The following MYO1D variants were observed in gnomAD, a reference collection of about 807,000 sequenced individuals.
The protein encoded by MYO1D is unconventional myosin-Id.
A neutral mutation model predicts 122.0 loss-of-function variants in MYO1D; 83 were observed. That is an observed-to-expected ratio of 0.68 (90% CI 0.57 to 0.82). The LOEUF (loss-of-function observed/expected upper bound fraction) is 0.82. Ranked by LOEUF, MYO1D falls within the 40% of genes least tolerant of loss-of-function variation. The pLI is 0.00. For missense variants in MYO1D, 1,157 were observed against 1,269.5 expected (o/e 0.91, Z 1.35); for synonymous variants, 464 against 446.9 (o/e 1.04, Z -0.48).
rs2088143856 is a variant in MYO1D, at chr17:32,638,714, G to A, written c.2709+8C>T. On this transcript the variant is annotated splice_region_variant and intron_variant, in intron 20 of 21. Transcript: ENST00000318217. ...ATCTTTATCCAGAGAGAAGCACAGAGGACTTACATTGTATAGAGGGATAGT... is the reference window on the plus strand; with the variant it reads ...ATCTTTATCCAGAGAGAAGCACAGAAGACTTACATTGTATAGAGGGATAGT... 4 of 1,573,762 alleles carry A rather than the reference G, an allele frequency of 2.5e-6. 1 individual carries two copies. The South Asian group carries it at 3.3e-5, about 13-fold the overall frequency.
chr17:32,618,171 T>G (rs1055989395), intron 20 of MYO1D, among the ~76,000 whole-genome samples: 1 of 152,240 alleles, frequency 6.6e-6, no homozygotes, highest in Non-Finnish European at 1.5e-5. Context: ...ACATGAGCTT[T>G]GAGCAGTAAT....
intron 15 of MYO1D, among the ~76,000 whole-genome samples, chr17:32,713,043 G>A (rs1224640945): frequency 6.6e-6 from 1 of 152,178 alleles, no homozygotes; most frequent in Non-Finnish European, 1.5e-5. Context: ...ATCATGCAAA[G>A]TTGTTTAACA....
intron 1 of MYO1D, among the ~76,000 whole-genome samples, chr17:32,860,048 TG>T (rs10714403): frequency 0.014 from 2,099 of 152,246 alleles, 44 homozygotes; most frequent in African/African-American, 0.046. Context: ...GGAAGTCTTC[TG>T]GGGGGCTTCC....
rs532828167 is a variant in MYO1D, at chr17:32,876,959, G to C, written c.-87C>G. ...CGATGAGCTCGGGAGGGGCCGGGGCGAGGCCGCGCCGCGAGGCTACGGGGA... is the reference window on the plus strand; with the variant it reads ...CGATGAGCTCGGGAGGGGCCGGGGCCAGGCCGCGCCGCGAGGCTACGGGGA... On this transcript the variant is annotated 5_prime_UTR_variant, in exon 1 of 22. Coordinates refer to ENST00000318217, the MANE Select transcript of MYO1D (RefSeq NM_015194.3). The C allele has an allele frequency of 6.6e-5, 50 of 758,062 alleles. No homozygotes were observed. In the South Asian group the frequency reaches 1.8e-3, roughly 27 times the overall value. 47.0% of individuals were successfully genotyped at this position (758,062 alleles called of 1,614,324 possible). A position where few individuals can be genotyped will look rare whatever the true frequency, so the allele number is the denominator to read the frequency against.
intron 2 of MYO1D, among the ~76,000 whole-genome samples, chr17:32,780,212 T>C (rs1244069122): frequency 1.3e-5 from 2 of 152,224 alleles, no homozygotes; most frequent in Non-Finnish European, 2.9e-5. Context: ...GAGTTGATTC[T>C]TCCTTTTCAC....
chr17:32,632,586 TACACACACACACACAC>T (rs71144846), intron 20 of MYO1D: 40 of 96,602 alleles, frequency 4.1e-4, no homozygotes, highest in African/African-American at 1.8e-3. Flanking sequence ...TATATATATA[TACACACACACACACAC>T]ACACACACAC....
intron 11 of MYO1D, among the ~76,000 whole-genome samples, chr17:32,753,006 GAAAC>G (rs2089912768): frequency 6.6e-6 from 1 of 152,140 alleles, no homozygotes; most frequent in African/African-American, 2.4e-5. Context: ...CAAAGTCATG[GAAAC>G]AATCAATCTA....
At chr17:32,857,267 T>C (rs1473673910) in intron 1 of MYO1D, among the ~76,000 whole-genome samples, 2 of 152,156 alleles carry the variant, frequency 1.3e-5, no homozygotes, top group Non-Finnish European at 2.9e-5. Context: ...CCAACTGTAA[T>C]GAATTTAAGG....
chr17:32,550,248 C>T (rs1463555233), intron 21 of MYO1D, among the ~76,000 whole-genome samples: 1 of 152,020 alleles, frequency 6.6e-6, no homozygotes, highest in Admixed American at 6.6e-5. Context: ...TACAGGTGTG[C>T]ACCACCATGG....
chr17:32,628,991 T>C (rs1442307433), intron 20 of MYO1D, among the ~76,000 whole-genome samples: 2 of 152,188 alleles, frequency 1.3e-5, no homozygotes, highest in East Asian at 1.9e-4. Context: ...AATAGGTGAA[T>C]GGAGAAACAA....
rs1229508232 is a variant in MYO1D at position 32,492,727 on chromosome 17, A to G, written c.*2032T>C. 2 of 152,606 alleles carry G rather than the reference A, an allele frequency of 1.3e-5. No homozygotes were observed. The highest frequency in any genetic ancestry group is 2.9e-5 in the Non-Finnish European group (2 of 68,040). The allele number at this position is 152,606 out of a possible 1,614,324, so 9.5% of individuals were successfully genotyped here. On this transcript the variant is annotated 3_prime_UTR_variant, in exon 22 of 22. Coordinates refer to ENST00000318217, the MANE Select transcript of MYO1D (RefSeq NM_015194.3). Reference sequence around the variant, plus strand: ...CCATAAAATTGCATTTCATTACATCAAGAGAACCCCCTCATTGTCTACAAT... The same window carrying G: ...CCATAAAATTGCATTTCATTACATCGAGAGAACCCCCTCATTGTCTACAAT...
At chr17:32,735,069 A>G (rs2089683177) in intron 14 of MYO1D, among the ~76,000 whole-genome samples, 1 of 143,388 alleles carries the variant, frequency 7.0e-6, no homozygotes, top group Admixed American at 7.2e-5. Flanking sequence ...CAACAAAGCA[A>G]GATTCCATCT....
At chr17:32,514,555 C>T (rs1293235812) in intron 21 of MYO1D, among the ~76,000 whole-genome samples, 1 of 152,126 alleles carries the variant, frequency 6.6e-6, no homozygotes, top group Non-Finnish European at 1.5e-5. Flanking sequence ...AAGTCTAATC[C>T]TTGCTTTGCA....
At chr17:32,511,867 G>GGTTTATATTTA (rs1909707520) in intron 21 of MYO1D, among the ~76,000 whole-genome samples, 4 of 152,152 alleles carry the variant, frequency 2.6e-5, no homozygotes, top group Non-Finnish European at 5.9e-5. Context: ...CCATTATCAA[G>GGTTTATATTTA]AAGCATTTAA....
At chr17:32,777,862 A>G (rs1018940827) in intron 3 of MYO1D, among the ~76,000 whole-genome samples, 1 of 152,174 alleles carries the variant, frequency 6.6e-6, no homozygotes, top group Non-Finnish European at 1.5e-5. Context: ...TGAACCCGGG[A>G]GGCGGAGCTT....
chr17:32,699,561 T>C (rs2089219423), intron 16 of MYO1D, among the ~76,000 whole-genome samples: 1 of 152,184 alleles, frequency 6.6e-6, no homozygotes, highest in Admixed American at 6.5e-5. Flanking sequence ...ACAGAAACTA[T>C]TAATTATTAA....
chr17:32,775,694 A>T (rs1360964922), intron 4 of MYO1D, among the ~76,000 whole-genome samples, 170 bp downstream of exon 4: 1 of 152,196 alleles, frequency 6.6e-6, no homozygotes. Context: ...TTGACAGTGT[A>T]AGTGCTAAGA....
At chr17:32,606,741 T>C (rs2087632528) in intron 20 of MYO1D, among the ~76,000 whole-genome samples, 2 of 152,218 alleles carry the variant, frequency 1.3e-5, no homozygotes, top group East Asian at 1.9e-4. Flanking sequence ...GCTAACATCA[T>C]ACTTGGTGAA....
In MYO1D at chr17:32,657,671, G is replaced by A. The variant is rs143809297; in HGVS notation, c.2345+1444C>T. Among the ~76,000 whole-genome samples, 456 of 152,378 alleles carry A rather than the reference G, an allele frequency of 3.0e-3. 7 individuals are homozygous for A. The highest frequency in any genetic ancestry group is 0.025 in the Admixed American group (384 of 15,306). On this transcript the variant is annotated intron_variant, in intron 17 of 21. Transcript: ENST00000318217. Reference sequence around the variant, plus strand: ...TATAAGGCCTGGGAAGGCTGGGACTGTCTTTCACATCTTTCTTGTTTGTCA... The same window carrying A: ...TATAAGGCCTGGGAAGGCTGGGACTATCTTTCACATCTTTCTTGTTTGTCA...
Sources: allele counts gnomAD v4.1 joint callset (sites outside exome capture counted in the v4.1 genomes callset), GRCh38; gene constraint gnomAD v4.1.1; transcripts MANE v1.5; gene names NCBI Gene and HGNC (gene_info 2026-07-23, HGNC 2026-07-21).